TOX: variants seen among roughly 807,000 people sequenced by gnomAD.
TOX encodes the protein thymocyte selection associated high mobility group box, also known as thymocyte selection-associated high mobility group box protein TOX.
In TOX, 11 loss-of-function variants were observed where a neutral mutation model predicts 53.7. That is an observed-to-expected ratio of 0.20 (90% CI 0.13 to 0.34). TOX has a LOEUF of 0.34. TOX is among the 10% of genes least tolerant of loss of function. The pLI, the probability that TOX is intolerant of heterozygous loss-of-function variation, is 1.00. For missense variants in TOX, 570 were observed against 664.6 expected (o/e 0.86, Z 1.56); for synonymous variants, 225 against 245.3 (o/e 0.92, Z 0.77).
intron 5 of TOX, among the ~76,000 whole-genome samples, 173 bp from the exon 6 acceptor site, chr8:58,827,075 T>C (rs1243644508): frequency 3.3e-5 from 5 of 151,990 alleles, no homozygotes; most frequent in African/African-American, 1.2e-4. Context: ...TTAAGAAGTA[T>C]GGCAATAGAC....
At chr8:58,926,464 C>T (rs556495224) in intron 3 of TOX, among the ~76,000 whole-genome samples, 1 of 152,258 alleles carries the variant, frequency 6.6e-6, no homozygotes, top group African/African-American at 2.4e-5. Context: ...GTTTATTTAC[C>T]ACTCTATGTT....
chr8:58,964,144 C>A (rs954407406), intron 1 of TOX, among the ~76,000 whole-genome samples: 3 of 152,092 alleles, frequency 2.0e-5, no homozygotes, highest in African/African-American at 4.8e-5. Context: ...GGCACCATTA[C>A]TCAAATGTTA....
intron 5 of TOX, among the ~76,000 whole-genome samples, chr8:58,835,847 T>A (rs925268638): frequency 2.0e-5 from 3 of 151,978 alleles, no homozygotes; most frequent in Non-Finnish European, 4.4e-5. Context: ...TTTCCAGAAA[T>A]GAAGAGTTTG....
intron 1 of TOX, among the ~76,000 whole-genome samples, chr8:59,003,732 A>T (rs537428227): frequency 6.6e-6 from 1 of 152,192 alleles, no homozygotes. Flanking sequence ...TCTGGGAATC[A>T]TTTTTTATTA....
chr8:58,943,113 T>C (rs1174217319), intron 2 of TOX, among the ~76,000 whole-genome samples: 2 of 152,176 alleles, frequency 1.3e-5, no homozygotes, highest in Non-Finnish European at 2.9e-5. Flanking sequence ...GCTGCTCTGA[T>C]CCCCTGAAGT....
At position 59,119,019 on chromosome 8, in the gene TOX, T is replaced by G. The variant is rs1357272084; in HGVS notation, c.-32A>C. 6.7e-7 allele frequency: 1 copy of G among 1,498,188 alleles called. No homozygotes were observed. The highest frequency in any genetic ancestry group is 1.1e-5 in the South Asian group (1 of 87,482). 92.8% of individuals were successfully genotyped at this position (1,498,188 alleles called of 1,614,324 possible). On this transcript the variant is annotated 5_prime_UTR_variant, in exon 1 of 9. Coordinates refer to ENST00000361421, the MANE Select transcript of TOX (RefSeq NM_014729.3). ...CTCACATCAAGCAACTCCTTTTCTT[T>G]TTCCTTTTTTAAAAAAAAGTGTTCA...
At chr8:58,870,211 A>C (rs1811175108) in intron 3 of TOX, among the ~76,000 whole-genome samples, 1 of 152,178 alleles carries the variant, frequency 6.6e-6, no homozygotes, top group Admixed American at 6.5e-5. Flanking sequence ...GGAAATAATA[A>C]GTGAATATAG....
rs1208913590 is a variant in TOX, at chr8:58,867,126, A to C, written c.412-15321T>G. On this transcript the variant is annotated intron_variant, in intron 3 of 8. Coordinates refer to ENST00000361421, the MANE Select transcript of TOX (RefSeq NM_014729.3). ...CATCTACATTTACAAAAGCTAATAG[A>C]ATTTTCCAGGAACAGTTTATTTTTT... is the stretch of plus-strand genomic sequence containing the variant. Among the ~76,000 whole-genome samples the C allele has an allele frequency of 2.0e-5, 3 of 152,202 alleles. No individual in the cohort carries two copies. The East Asian group carries it at 5.8e-4, about 29-fold the overall frequency.
intron 3 of TOX, among the ~76,000 whole-genome samples, chr8:58,883,366 T>C (rs757577336): frequency 2.7e-4 from 41 of 152,240 alleles, no homozygotes; most frequent in Admixed American, 2.0e-3. Context: ...TTAAATGATC[T>C]ATTTTATTAT....
intron 3 of TOX, among the ~76,000 whole-genome samples, chr8:58,920,554 T>A (rs1812048348): frequency 1.8e-5 from 1 of 54,108 alleles, no homozygotes; most frequent in Non-Finnish European, 3.6e-5. Context: ...CTGGGGACTG[T>A]GGTGGGGTCG....
chr8:58,947,305 C>T (rs1812539364), intron 2 of TOX, among the ~76,000 whole-genome samples: 1 of 151,988 alleles, frequency 6.6e-6, no homozygotes, highest in Admixed American at 6.5e-5. Context: ...TGAAATGACT[C>T]AGAGATTAAG....
At chr8:59,032,241 C>T (rs879412151) in intron 1 of TOX, among the ~76,000 whole-genome samples, 6 of 149,556 alleles carry the variant, frequency 4.0e-5, no homozygotes, top group East Asian at 5.0e-4. Context: ...GGGGAAAGAA[C>T]AGTTTAAGGA....
At chr8:58,923,088 G>T (rs575593199) in intron 3 of TOX, among the ~76,000 whole-genome samples, 1 of 150,258 alleles carries the variant, frequency 6.7e-6, no homozygotes, top group African/African-American at 2.5e-5. Context: ...ATGAAGAAAC[G>T]GATTTTTTTT....
chr8:58,840,306 T>C (rs1810622015), intron 4 of TOX, among the ~76,000 whole-genome samples: 2 of 152,184 alleles, frequency 1.3e-5, no homozygotes, highest in African/African-American at 2.4e-5. Context: ...GACAAGCTAA[T>C]GTAGATTAAC....
chr8:58,980,787 T>G lies in TOX; in HGVS notation c.103-20779A>C, dbSNP rs551453474. Among the ~76,000 whole-genome samples the G allele has an allele frequency of 3.5e-4, 53 of 152,350 alleles. 1 individual carries two copies. The highest frequency in any genetic ancestry group is 1.3e-3 in the African/African-American group (52 of 41,576). On this transcript the variant is annotated intron_variant, in intron 1 of 8. Transcript: ENST00000361421. ...ATTCTAAATAAAACTTAAACCTTTT[T>G]TGAAGGTGTTTCCACCTTTCCAGTG...
At chr8:58,832,217 T>C (rs965178597) in intron 5 of TOX, among the ~76,000 whole-genome samples, 9 of 148,354 alleles carry the variant, frequency 6.1e-5, no homozygotes, top group Admixed American at 5.4e-4. Flanking sequence ...ATATGTAATA[T>C]ATATATAAAT....
intron 1 of TOX, among the ~76,000 whole-genome samples, chr8:59,015,913 G>C (rs1813999278): frequency 6.6e-6 from 1 of 152,112 alleles, no homozygotes; most frequent in African/African-American, 2.4e-5. Context: ...TTAAATGTTG[G>C]CATTAAAGAT....
intron 1 of TOX, among the ~76,000 whole-genome samples, chr8:59,080,033 A>G (rs1265198220): frequency 6.9e-6 from 1 of 145,902 alleles, no homozygotes; most frequent in African/African-American, 2.6e-5. Flanking sequence ...CCCAGGCTGG[A>G]GTGCAGTGGT....
In TOX at chr8:59,118,442, C is replaced by T. The variant is rs571576210; in HGVS notation, c.102+444G>A. On this transcript the variant is annotated intron_variant, in intron 1 of 8. Coordinates refer to ENST00000361421, the MANE Select transcript of TOX (RefSeq NM_014729.3). The surrounding 1 kb of genome is among the most constrained non-coding windows in gnomAD (Gnocchi z 4.1). ...CCGGCTGCTCCCCTGGCAACTAATC[C>T]GGAGAAGGGAAGTGGTGCCACGAGC... Among the ~76,000 whole-genome samples the T allele has an allele frequency of 2.1e-4, 32 of 152,256 alleles. No individual in the cohort carries two copies. Among genetic ancestry groups the T allele is most frequent in the African/African-American group, 7.7e-4 (32 of 41,564 alleles).
Sources: gnomAD v4.1 joint callset for allele counts (sites outside exome capture counted in the v4.1 genomes callset) on GRCh38, gnomAD v4.1.1 for gene constraint, Gnocchi (gnomAD v3.1) non-coding constraint, MANE v1.5 for transcripts, NCBI Gene and HGNC (gene_info 2026-07-23, HGNC 2026-07-21) for gene names.